Variants in KCNK18 observed in about 807,000 individuals in gnomAD.
The protein encoded by KCNK18 is potassium two pore domain channel subfamily K member 18.
Under a neutral mutation model 11.8 loss-of-function variants are expected in KCNK18, and 8 were observed. That is an observed-to-expected ratio of 0.68 (90% CI 0.40 to 1.22). KCNK18 has a LOEUF of 1.22. Ranked by LOEUF, KCNK18 falls within the 50% of genes most tolerant of loss-of-function variation. The pLI is 0.01. For missense variants in KCNK18, 442 were observed against 465.4 expected (o/e 0.95, Z 0.46); for synonymous variants, 208 against 185.8 (o/e 1.12, Z -0.97).
chr10:117,209,032 C>T (rs1160594123), intron 2 of KCNK18, among the ~76,000 whole-genome samples: 8 of 152,182 alleles, frequency 5.3e-5, no homozygotes, highest in East Asian at 1.9e-4. Context: ...TGAACCACCA[C>T]GCCCAGCCAA....
Position 117,210,192 on chromosome 10 carries a change from A to G in KCNK18, c.1048A>G (p.Ile350Val), listed in dbSNP as rs1843747412. The G allele has an allele frequency of 3.7e-6, 6 of 1,614,098 alleles. No individual in the cohort carries two copies. In the East Asian group the frequency reaches 1.3e-4, roughly 36 times the overall value. The change falls in exon 3 of 3, where the codon ATT becomes GTT. Residue 350 changes from isoleucine to valine, a missense_variant. By Grantham distance (29) the Ile-to-Val change is conservative. Transcript: ENST00000334549. Reference protein sequence around the residue: ...FSIYIIVGMEIVFIAFKLVQN... With the variant: ...FSIYIIVGMEVVFIAFKLVQN... ...CATTTATATCATCGTTGGAATGGAG[A>G]TTGTGTTCATTGCTTTCAAGTTGGT...
intron 1 of KCNK18, among the ~76,000 whole-genome samples, chr10:117,199,502 C>G (rs3847483): frequency 2.0e-5 from 3 of 152,110 alleles, no homozygotes; most frequent in African/African-American, 7.2e-5. Context: ...CTAATCCTCA[C>G]AAGAAGCCTC....
intron 2 of KCNK18, among the ~76,000 whole-genome samples, chr10:117,206,552 A>G (rs1309501944): frequency 6.6e-6 from 1 of 152,118 alleles, no homozygotes; most frequent in Non-Finnish European, 1.5e-5. Context: ...GTCATTTTTC[A>G]GCCTTCCACA....
At chr10:117,205,378 C>G (rs1447140604) in intron 2 of KCNK18, among the ~76,000 whole-genome samples, 2 of 152,186 alleles carry the variant, frequency 1.3e-5, no homozygotes, top group Non-Finnish European at 2.9e-5. Context: ...AGACCTGCTT[C>G]CTTTAAACTT....
intron 2 of KCNK18, among the ~76,000 whole-genome samples, chr10:117,204,859 G>C (rs577031861): frequency 6.6e-6 from 1 of 152,302 alleles, no homozygotes; most frequent in Non-Finnish European, 1.5e-5. Flanking sequence ...GGGCCCTCCA[G>C]GTGATTCTAG....
At position 117,201,210 on chromosome 10, in the gene KCNK18, C is replaced by T. The variant is rs781541811; in HGVS notation, c.275C>T (p.Pro92Leu). ...DLQGHLQKVK[P>L]QWFNRTTHWS... ...CAGGGGCATCTGCAGAAGGTGAAGC[C>T]TCAGTGGTTTAACAGGACCACACAC... The change falls in exon 2 of 3, where the codon CCT becomes CTT. Residue 92 changes from proline to leucine, a missense_variant. By Grantham distance (98) the Pro-to-Leu change is moderately conservative (BLOSUM62 -3). Transcript: ENST00000334549. 1 of 1,614,144 alleles carries T rather than the reference C, an allele frequency of 6.2e-7. No homozygotes were observed. Among genetic ancestry groups the T allele is most frequent in the South Asian group, 1.1e-5 (1 of 91,078 alleles).
intron 1 of KCNK18, among the ~76,000 whole-genome samples, chr10:117,199,916 A>G (rs1191820558): frequency 6.6e-6 from 1 of 152,192 alleles, no homozygotes; most frequent in Non-Finnish European, 1.5e-5. Context: ...CAATCGAGCC[A>G]TTCAGGAACC....
Position 117,209,994 on chromosome 10 carries a change from C to T in KCNK18, c.850C>T (p.Pro284Ser). ...QQVERLDIPL[P>S]IIALIVFAYI... is the part of the protein sequence containing the mutation. ...GGTGGAGAGGTTGGACATCCCCCTCCCCATCATTGCCCTTATTGTTTTTGC... is the reference window on the plus strand; with the variant it reads ...GGTGGAGAGGTTGGACATCCCCCTCTCCATCATTGCCCTTATTGTTTTTGC... Residue 284 changes from proline (P) to serine (S), a missense_variant, in exon 3 of 3, where the codon CCC (proline) becomes TCC (serine). Physicochemically the swap from Pro to Ser is moderately conservative, Grantham distance 74 (BLOSUM62 -1). Transcript: ENST00000334549. 1 of 1,614,166 alleles carries T rather than the reference C, an allele frequency of 6.2e-7. No homozygotes were observed. Among genetic ancestry groups the T allele is most frequent in the Non-Finnish European group, 8.5e-7 (1 of 1,180,018 alleles).
At position 117,197,807 on chromosome 10, in the gene KCNK18, G is replaced by T. The variant is rs1854968381; in HGVS notation, c.223+96G>T. On this transcript the variant is annotated intron_variant, in intron 1 of 2. Coordinates refer to ENST00000334549, the MANE Select transcript of KCNK18 (RefSeq NM_181840.1). ...GCCTTCTAGGAGGCTGGGTCTGGGA[G>T]CTGCCTGCCTGGATCCTCCTCATGC... 2.0e-5 allele frequency: 21 copies of T among 1,057,432 alleles called. No homozygotes were observed. In the South Asian group the frequency reaches 2.8e-4, roughly 14 times the overall value. 65.5% of individuals were successfully genotyped at this position (1,057,432 alleles called of 1,614,324 possible).
At chr10:117,203,695 C>A (rs936817707) in intron 2 of KCNK18, among the ~76,000 whole-genome samples, 17 of 152,216 alleles carry the variant, frequency 1.1e-4, no homozygotes, top group African/African-American at 4.1e-4. Context: ...ACATGCCATG[C>A]ATGGCTAATT....
At chr10:117,204,301 A>T (rs1855051236) in intron 2 of KCNK18, among the ~76,000 whole-genome samples, 1 of 151,622 alleles carries the variant, frequency 6.6e-6, no homozygotes, top group Non-Finnish European at 1.5e-5. Context: ...AAAGAAAAAA[A>T]CCTCAGATGC....
chr10:117,206,010 C>T (rs1050144569), intron 2 of KCNK18, among the ~76,000 whole-genome samples: 7 of 151,862 alleles, frequency 4.6e-5, no homozygotes, highest in Middle Eastern at 6.8e-3. Flanking sequence ...AGGTCGTGCA[C>T]GCCTCTTCAC....
At chr10:117,208,070 C>T (rs978463747) in intron 2 of KCNK18, among the ~76,000 whole-genome samples, 1 of 152,120 alleles carries the variant, frequency 6.6e-6, no homozygotes. Context: ...GCATCCCTTC[C>T]TTTGCTTGGC....
Position 117,209,589 on chromosome 10 carries a change from A to G in KCNK18, c.445A>G (p.Thr149Ala), listed in dbSNP as rs1172781946. ...TATCCCCCTGATGTTCCTCGTTCTC[A>G]CGGACACAGGCGACATCCTGGCAAC... Reference protein sequence around the residue: ...FGIPLMFLVLTDTGDILATIL... With the variant: ...FGIPLMFLVLADTGDILATIL... The change falls in exon 3 of 3, where the codon ACG becomes GCG. Residue 149 changes from threonine (T) to alanine (A), a missense_variant. Coordinates refer to ENST00000334549, the MANE Select transcript of KCNK18 (RefSeq NM_181840.1). 6.8e-6 allele frequency: 11 copies of G among 1,613,990 alleles called. 1 individual carries two copies. The highest frequency in any genetic ancestry group is 8.5e-6 in the Non-Finnish European group (10 of 1,180,030).
Position 117,197,716 on chromosome 10 carries a change from G to A in KCNK18, c.223+5G>A, listed in dbSNP as rs1305546162. ...TCTTGAACTGCAGTGAAACAGGTAGGTGCCTCACCTGGACAGGGTGGGCCT... is the reference window on the plus strand; with the variant it reads ...TCTTGAACTGCAGTGAAACAGGTAGATGCCTCACCTGGACAGGGTGGGCCT... On this transcript the variant is annotated splice_donor_5th_base_variant and intron_variant, in intron 1 of 2. Coordinates refer to ENST00000334549, the MANE Select transcript of KCNK18 (RefSeq NM_181840.1). 6.2e-7 allele frequency: 1 copy of A among 1,613,430 alleles called. No individual in the cohort carries two copies. The highest frequency in any genetic ancestry group is 1.1e-5 in the South Asian group (1 of 91,046).
intron 2 of KCNK18, among the ~76,000 whole-genome samples, chr10:117,202,129 T>C (rs1053100523): frequency 6.6e-6 from 1 of 152,134 alleles, no homozygotes; most frequent in Non-Finnish European, 1.5e-5. Context: ...CAAGTGCCCA[T>C]CCCTAGGAGG....
intron 1 of KCNK18, among the ~76,000 whole-genome samples, chr10:117,198,707 G>A (rs990985177): frequency 8.5e-5 from 13 of 152,202 alleles, no homozygotes; most frequent in Admixed American, 5.2e-4. Context: ...TCCTTCCACA[G>A]CCCAGACCTT....
intron 2 of KCNK18, among the ~76,000 whole-genome samples, chr10:117,203,348 C>T (rs1855037190): frequency 6.6e-6 from 1 of 152,110 alleles, no homozygotes; most frequent in Non-Finnish European, 1.5e-5. Flanking sequence ...TATCCCATTC[C>T]ACAGGCTCTA....
intron 2 of KCNK18, among the ~76,000 whole-genome samples, chr10:117,202,299 C>T (rs1216822102): frequency 3.3e-5 from 5 of 152,222 alleles, no homozygotes; most frequent in African/African-American, 9.6e-5. Flanking sequence ...CTAGACCTGC[C>T]TCTCAGGGTC....
Sources: allele counts gnomAD v4.1 joint callset (sites outside exome capture counted in the v4.1 genomes callset), GRCh38; gene constraint gnomAD v4.1.1; transcripts MANE v1.5; gene names NCBI Gene and HGNC (gene_info 2026-07-23, HGNC 2026-07-21).